The following SNTG1 variants were observed in gnomAD, a reference collection of about 807,000 sequenced individuals.
The protein encoded by SNTG1 is syntrophin gamma 1.
Under a neutral mutation model 74.7 loss-of-function variants are expected in SNTG1, and 39 were observed. The observed-to-expected ratio is 0.52, with a 90% CI of 0.40 to 0.68. SNTG1 has a LOEUF of 0.68. SNTG1 is among the 30% of genes least tolerant of loss of function. The pLI is 0.00. For missense variants in SNTG1, 685 were observed against 609.5 expected, an observed-to-expected ratio of 1.12 and a Z score of -1.30; for synonymous variants, 254 against 217.1, an observed-to-expected ratio of 1.17 and a Z score of -1.49.
intron 1 of SNTG1, among the ~76,000 whole-genome samples, chr8:50,126,062 CTGCGGCACCCTTCT>C (rs1255653665): frequency 6.6e-6 from 1 of 152,114 alleles, no homozygotes; most frequent in Non-Finnish European, 1.5e-5. Flanking sequence ...ATGGCTGGTT[CTGCGGCACCCTTCT>C]TGGGTCATCA....
chr8:50,399,368 T>C (rs772932886), intron 3 of SNTG1, among the ~76,000 whole-genome samples: 4 of 152,214 alleles, frequency 2.6e-5, no homozygotes, highest in Non-Finnish European at 5.9e-5. Flanking sequence ...ACATTTTACA[T>C]AGTATTTAAG....
intron 2 of SNTG1, among the ~76,000 whole-genome samples, chr8:50,279,525 C>G (rs2088310524): frequency 6.6e-6 from 1 of 152,190 alleles, no homozygotes; most frequent in South Asian, 2.1e-4. Context: ...ATACATTTAT[C>G]ATATATGTGT....
rs554230354 is a variant in SNTG1, at chr8:50,255,967, G to A, written c.-28+83332G>A. ...TTGCCTATAAGACCTATCACAAGGTGTCTGTAAACAGTGTTATGATAGACC... is the reference window on the plus strand; with the variant it reads ...TTGCCTATAAGACCTATCACAAGGTATCTGTAAACAGTGTTATGATAGACC... On this transcript the variant is annotated intron_variant, in intron 2 of 18. Coordinates refer to ENST00000642720, the MANE Select transcript of SNTG1 (RefSeq NM_018967.5). Among the ~76,000 whole-genome samples the A allele has an allele frequency of 1.2e-4, 19 of 152,300 alleles. No individual in the cohort carries two copies. In the East Asian group the frequency reaches 2.3e-3, roughly 19 times the overall value.
intron 2 of SNTG1, among the ~76,000 whole-genome samples, chr8:50,318,061 C>A (rs60226910): frequency 6.6e-6 from 1 of 152,096 alleles, no homozygotes; most frequent in African/African-American, 2.4e-5. Context: ...AGGTCTCGAT[C>A]TCCTGACCTC....
intron 16 of SNTG1, among the ~76,000 whole-genome samples, chr8:50,707,318 A>G (rs1362425789): frequency 6.6e-6 from 1 of 152,146 alleles, no homozygotes; most frequent in Admixed American, 6.5e-5. Context: ...TTATGGCCTT[A>G]AACATTCCTT....
At chr8:50,211,881 A>T (rs1032056447) in intron 2 of SNTG1, among the ~76,000 whole-genome samples, 1 of 152,128 alleles carries the variant, frequency 6.6e-6, no homozygotes, top group Non-Finnish European at 1.5e-5. Flanking sequence ...CTGAGTAGAC[A>T]GTTGTGAGAG....
At chr8:50,308,027 A>G (rs1047835575) in intron 2 of SNTG1, among the ~76,000 whole-genome samples, 2 of 151,798 alleles carry the variant, frequency 1.3e-5, no homozygotes, top group Non-Finnish European at 2.9e-5. Context: ...CTCTCAGCTC[A>G]GGGCTTTGTT....
intron 2 of SNTG1, among the ~76,000 whole-genome samples, chr8:50,322,401 C>G (rs2130820372): frequency 6.6e-6 from 1 of 152,240 alleles, no homozygotes; most frequent in African/African-American, 2.4e-5. Context: ...CTGCTGCCAG[C>G]TATATTGGAG....
At chr8:50,532,078 A>T (rs182818471) in intron 10 of SNTG1, among the ~76,000 whole-genome samples, 80 of 152,312 alleles carry the variant, frequency 5.3e-4, no homozygotes, top group Non-Finnish European at 8.5e-4. Context: ...AGCAACTGTT[A>T]TAAATTCTTC....
intron 2 of SNTG1, among the ~76,000 whole-genome samples, chr8:50,207,408 G>T (rs1347267703): frequency 3.3e-5 from 5 of 152,104 alleles, no homozygotes; most frequent in African/African-American, 1.2e-4. Flanking sequence ...GATTGGAGGG[G>T]ATATCCCCTT....
At chr8:50,373,181 A>G (rs1434397122) in intron 2 of SNTG1, among the ~76,000 whole-genome samples, 1 of 152,192 alleles carries the variant, frequency 6.6e-6, no homozygotes, top group African/African-American at 2.4e-5. Flanking sequence ...GTAAAGTTTT[A>G]ATTTTTGTTT....
intron 2 of SNTG1, among the ~76,000 whole-genome samples, chr8:50,266,680 GTGTGTA>G (rs1225877202): frequency 4.4e-5 from 6 of 136,802 alleles, no homozygotes; most frequent in African/African-American, 1.1e-4. Context: ...GTGTGTGTGT[GTGTGTA>G]TATATATATA....
At chr8:50,312,803 C>T (rs1021747930) in intron 2 of SNTG1, among the ~76,000 whole-genome samples, 37 of 149,972 alleles carry the variant, frequency 2.5e-4, no homozygotes, top group East Asian at 9.9e-4. Flanking sequence ...CTTCACTGGG[C>T]GTATGTTAAC....
At chr8:50,181,311 G>C (rs565869594) in intron 2 of SNTG1, among the ~76,000 whole-genome samples, 2 of 152,280 alleles carry the variant, frequency 1.3e-5, no homozygotes, top group East Asian at 3.9e-4. Flanking sequence ...ATTTGGACTT[G>C]ATCTTTGTTT....
At chr8:50,174,539 T>C (rs1413624961) in intron 2 of SNTG1, among the ~76,000 whole-genome samples, 1 of 152,164 alleles carries the variant, frequency 6.6e-6, no homozygotes, top group Non-Finnish European at 1.5e-5. Context: ...CCAAAGCACA[T>C]TTTCCCCAAA....
At chr8:50,649,480 C>T (rs990901514) in intron 13 of SNTG1, among the ~76,000 whole-genome samples, 14 of 152,126 alleles carry the variant, frequency 9.2e-5, no homozygotes, top group South Asian at 4.1e-4. Context: ...GCCTGGGTGA[C>T]AGAGGGAGAC....
chr8:50,010,742 C>T (rs973412566), intron 1 of SNTG1, among the ~76,000 whole-genome samples: 7 of 148,076 alleles, frequency 4.7e-5, no homozygotes, highest in Admixed American at 2.0e-4. Flanking sequence ...TGTTTCTGAA[C>T]TGGGTGACTA....
Position 50,720,076 on chromosome 8 carries a change from C to A in SNTG1, c.1284+11098C>A, listed in dbSNP as rs1205818757. On this transcript the variant is annotated intron_variant, in intron 17 of 18. Transcript: ENST00000642720. ...TTAGGCAACTGGCCCAATGATAATG[C>A]ATTCCTGTTCTATTATGTCCAGTTC... 2.0e-5 allele frequency among the ~76,000 whole-genome samples: 3 copies of A among 152,268 alleles called. No individual in the cohort carries two copies. In the East Asian group the frequency reaches 5.8e-4, roughly 29 times the overall value.
intron 13 of SNTG1, among the ~76,000 whole-genome samples, chr8:50,592,316 T>C (rs778658237): frequency 8.5e-5 from 13 of 152,230 alleles, no homozygotes. Flanking sequence ...GGTGAATTAT[T>C]TTTTAATTTA....
Sources: gnomAD v4.1 joint callset for allele counts (sites outside exome capture counted in the v4.1 genomes callset) on GRCh38, gnomAD v4.1.1 for gene constraint, MANE v1.5 for transcripts, NCBI Gene and HGNC (gene_info 2026-07-23, HGNC 2026-07-21) for gene names.